The following MED27 variants were observed in gnomAD, a reference collection of about 807,000 sequenced individuals.
The protein encoded by MED27 is mediator of RNA polymerase II transcription subunit 27.
In MED27, 30 loss-of-function variants were observed where a neutral mutation model predicts 38.2. The observed-to-expected ratio is 0.79, with a 90% CI of 0.59 to 1.07. The LOEUF (loss-of-function observed/expected upper bound fraction) is 1.07. Among genes scored for constraint, MED27 ranks in the 50% least tolerant of loss-of-function variants. MED27 has a pLI of 0.00. For synonymous variants in MED27, 122 were observed against 153.5 expected, an observed-to-expected ratio of 0.79 and a Z score of 1.52; for missense variants, 289 against 397.5, an observed-to-expected ratio of 0.73 and a Z score of 2.32.
chr9:131,919,590 G>A (rs1457111712), intron 4 of MED27, among the ~76,000 whole-genome samples: 1 of 152,010 alleles, frequency 6.6e-6, no homozygotes, highest in Admixed American at 6.6e-5. Context: ...GGAAAATGGG[G>A]GATAATGCCA....
rs1168115933 is a variant in MED27, at chr9:131,939,471, A to G, written c.483T>C (p.Tyr161=). ...CAATGCGGCTGATCACATCATCAAC[A>G]TATCTACATGGGAAAAAAATAAACA... is the stretch of plus-strand genomic sequence containing the variant. ...QPTTLVLPPQ[Y]VDDVISRIDR... Residue 161 remains tyrosine, a synonymous_variant, in exon 4 of 8, where the codon TAT becomes TAC. Coordinates refer to ENST00000292035, the MANE Select transcript of MED27 (RefSeq NM_004269.4). 1 of 1,601,742 alleles carries G rather than the reference A, an allele frequency of 6.2e-7. No individual in the cohort carries two copies. Among genetic ancestry groups the G allele is most frequent in the African/African-American group, 1.3e-5 (1 of 74,400 alleles).
At chr9:132,007,944 C>T (rs1306716895) in intron 3 of MED27, among the ~76,000 whole-genome samples, 1 of 151,988 alleles carries the variant, frequency 6.6e-6, no homozygotes, top group Non-Finnish European at 1.5e-5. Flanking sequence ...ACTGCCTGTC[C>T]CCACAACTTC....
Position 131,879,734 on chromosome 9 carries a change from C to T in MED27, c.723+4324G>A, listed in dbSNP as rs183696194. ...GGGAACGAACCCCACCCTCGCCAGT[C>T]GACTTGGCTGGGTGCAAACAGGCAG... On this transcript the variant is annotated intron_variant, in intron 6 of 7. Coordinates refer to ENST00000292035, the MANE Select transcript of MED27 (RefSeq NM_004269.4). Among the ~76,000 whole-genome samples, 436 of 152,314 alleles carry T rather than the reference C, an allele frequency of 2.9e-3. 3 individuals carry two copies. Among genetic ancestry groups the T allele is most frequent in the African/African-American group, 9.9e-3 (412 of 41,560 alleles).
chr9:132,039,586 C>T (rs1298473584), intron 2 of MED27, among the ~76,000 whole-genome samples: 1 of 152,210 alleles, frequency 6.6e-6, no homozygotes, highest in African/African-American at 2.4e-5. Flanking sequence ...GCTAAATTCA[C>T]CGCCAGTCTG....
intron 2 of MED27, among the ~76,000 whole-genome samples, chr9:132,064,822 G>A (rs892457607): frequency 6.6e-6 from 1 of 152,184 alleles, no homozygotes; most frequent in Non-Finnish European, 1.5e-5. Flanking sequence ...CCGGCACTCT[G>A]TCATGGTCCT....
chr9:131,885,771 T>C (rs1222105739), intron 5 of MED27, among the ~76,000 whole-genome samples: 1 of 152,120 alleles, frequency 6.6e-6, no homozygotes, highest in East Asian at 1.9e-4. Context: ...ATGGCAAAAA[T>C]AGAACTACCC....
At chr9:132,013,938 G>C (rs1406284852) in intron 3 of MED27, among the ~76,000 whole-genome samples, 2 of 152,138 alleles carry the variant, frequency 1.3e-5, no homozygotes, top group Non-Finnish European at 2.9e-5. Context: ...GGGTGTGGTA[G>C]CTCATACCTG....
chr9:132,063,813 A>G (rs2131154144), intron 2 of MED27, among the ~76,000 whole-genome samples: 1 of 152,124 alleles, frequency 6.6e-6, no homozygotes, highest in East Asian at 1.9e-4. Flanking sequence ...ACTTAGACCT[A>G]CTGGGCACCT....
rs1242768759 is a variant in MED27 at position 131,982,777 on chromosome 9, C to T, written c.479+31560G>A. On this transcript the variant is annotated intron_variant, in intron 3 of 7. Transcript: ENST00000292035. The surrounding 1 kb of genome is among the most constrained non-coding windows in gnomAD (Gnocchi z 4.3). ...TCTGGCTACAGGATCTGCCGCAATG[C>T]CTGACCTCTGTGCATCTCCAACTGT... 1.3e-5 allele frequency among the ~76,000 whole-genome samples: 2 copies of T among 152,172 alleles called. No individual in the cohort carries two copies. The highest frequency in any genetic ancestry group is 3.8e-4 in the East Asian group (2 of 5,202).
chr9:132,055,429 G>C (rs767671176), intron 2 of MED27, among the ~76,000 whole-genome samples: 30 of 152,138 alleles, frequency 2.0e-4, no homozygotes, highest in Admixed American at 1.6e-3. Context: ...AGTCATCTAT[G>C]AGTACTTTAT....
At chr9:131,877,567 C>T (rs562408351) in intron 6 of MED27, among the ~76,000 whole-genome samples, 7 of 152,170 alleles carry the variant, frequency 4.6e-5, no homozygotes, top group East Asian at 1.9e-4. Context: ...CAGAGTGGGA[C>T]CCCGTCTCAA....
intron 2 of MED27, among the ~76,000 whole-genome samples, chr9:132,035,473 C>T (rs1182098242): frequency 1.3e-5 from 2 of 151,958 alleles, no homozygotes; most frequent in Non-Finnish European, 2.9e-5. Context: ...AAAGGAGGAC[C>T]ATGAAAAACG....
chr9:132,040,817 G>A (rs916974261), intron 2 of MED27, among the ~76,000 whole-genome samples: 5 of 152,190 alleles, frequency 3.3e-5, no homozygotes, highest in East Asian at 1.9e-4. Flanking sequence ...CCCAGGCAAC[G>A]GTTTGATTTC....
chr9:131,869,206 C>G, intron 6 of MED27: 2 of 985,426 alleles, frequency 2.0e-6, no homozygotes, highest in Non-Finnish European at 2.4e-6. Context: ...CCTGTCCTCC[C>G]CAAGTCCTCC....
rs1380691311 is a variant in MED27 at position 131,917,976 on chromosome 9, T to C, written c.573+21405A>G. On this transcript the variant is annotated intron_variant, in intron 4 of 7. Transcript: ENST00000292035. This position sits in a 1 kb window ranked among gnomAD's most constrained non-coding sequence, Gnocchi z 4.6. The stretch of plus-strand genomic sequence containing the variant: ...TTTCACCCTGTCTCAAAAAGGCAAG[T>C]GCCACCTGTTTCTACCTAGCATTAA... 6.6e-6 allele frequency among the ~76,000 whole-genome samples: 1 copy of C among 152,248 alleles called. No homozygotes were observed. The highest frequency in any genetic ancestry group is 1.9e-4 in the East Asian group (1 of 5,200).
intron 2 of MED27, among the ~76,000 whole-genome samples, chr9:132,053,730 T>C (rs1316116619): frequency 6.6e-6 from 1 of 152,154 alleles, no homozygotes; most frequent in Non-Finnish European, 1.5e-5. Flanking sequence ...CTGCTTCTCC[T>C]ACTTTTCTCC....
chr9:131,865,675 A>G (rs1196403555), intron 6 of MED27, among the ~76,000 whole-genome samples: 2 of 152,252 alleles, frequency 1.3e-5, no homozygotes, highest in Non-Finnish European at 1.5e-5. Context: ...TAGGAACGTC[A>G]GTCCCTGGGA....
intron 6 of MED27, among the ~76,000 whole-genome samples, chr9:131,879,270 T>C (rs1393152829): frequency 6.6e-6 from 1 of 151,770 alleles, no homozygotes; most frequent in Non-Finnish European, 1.5e-5. Flanking sequence ...TGCAAGGCAA[T>C]CCCCCTACCC....
chr9:131,950,844 G>A (rs1258083398), intron 3 of MED27, among the ~76,000 whole-genome samples: 1 of 152,184 alleles, frequency 6.6e-6, no homozygotes, highest in Non-Finnish European at 1.5e-5. Context: ...TGGTGAACGG[G>A]ACTGATTTAA....
Sources: allele counts gnomAD v4.1 joint callset (sites outside exome capture counted in the v4.1 genomes callset), GRCh38; gene constraint gnomAD v4.1.1; non-coding constraint Gnocchi (gnomAD v3.1); transcripts MANE v1.5; gene names NCBI Gene and HGNC (gene_info 2026-07-23, HGNC 2026-07-21).